Variants in PSMG3 observed in about 807,000 individuals in gnomAD.
PSMG3 encodes the protein proteasome assembly chaperone 3.
A neutral mutation model predicts 7.9 loss-of-function variants in PSMG3; 4 were observed. The ratio of observed to expected loss-of-function variants is 0.51; its 90% CI spans 0.25 to 1.16. The LOEUF is 1.16. Ranked by LOEUF, PSMG3 falls within the 50% of genes most tolerant of loss-of-function variation. The pLI is 0.15. For missense variants in PSMG3, 151 were observed against 157.4 expected (o/e 0.96, Z 0.22); for synonymous variants, 81 against 69.8 (o/e 1.16, Z -0.80).
chr7:1,567,613 G>GT lies in PSMG3; in HGVS notation c.*84_*85insA. On this transcript the variant is annotated 3_prime_UTR_variant, in exon 2 of 2. Coordinates refer to ENST00000288607, the MANE Select transcript of PSMG3 (RefSeq NM_032302.4). ...AGTGCCAAAGTTCCTCCCTCCACCG[G>GT]GGAGGGAGGTGAGACTTGAGTCCCT... The GT allele has an allele frequency of 7.4e-7, 1 of 1,359,942 alleles. No individual in the cohort carries two copies. Among genetic ancestry groups the GT allele is most frequent in the Non-Finnish European group, 1.0e-6 (1 of 997,814 alleles). 84.2% of individuals were successfully genotyped at this position (1,359,942 alleles called of 1,614,324 possible).
rs1423450926 is a variant in PSMG3 at position 1,569,123 on chromosome 7, C to T, written c.216+1G>A. ...CACAGTTCCCGGCCAATCCACTTTACCTCATCCTGCCCCAGAAGGACTTTT... is the reference window on the plus strand; with the variant it reads ...CACAGTTCCCGGCCAATCCACTTTATCTCATCCTGCCCCAGAAGGACTTTT... On this transcript the variant is annotated splice_donor_variant, in intron 1 of 1. Transcript: ENST00000288607. LOFTEE classifies it high-confidence loss of function. 1.2e-6 allele frequency: 2 copies of T among 1,612,954 alleles called. No individual in the cohort carries two copies. The highest frequency in any genetic ancestry group is 1.7e-5 in the Admixed American group (1 of 60,016).
chr7:1,567,643 G>A lies in PSMG3; in HGVS notation c.*55C>T. 6.5e-7 allele frequency: 1 copy of A among 1,531,302 alleles called. No individual in the cohort carries two copies. The highest frequency in any genetic ancestry group is 2.0e-5 in the Admixed American group (1 of 49,242). The allele number at this position is 1,531,302 out of a possible 1,614,324, so 94.9% of individuals were successfully genotyped here. On this transcript the variant is annotated 3_prime_UTR_variant, in exon 2 of 2. Transcript: ENST00000288607. Reference sequence around the variant, plus strand: ...GGAGGTGAGACTTGAGTCCCTGAGTGGGTGTCTGGGTGTTCACGTGTCCTG... The same window carrying A: ...GGAGGTGAGACTTGAGTCCCTGAGTAGGTGTCTGGGTGTTCACGTGTCCTG...
In PSMG3 at chr7:1,567,397, G is replaced by A. The variant is rs550563429; in HGVS notation, c.*301C>T. On this transcript the variant is annotated 3_prime_UTR_variant, in exon 2 of 2. Coordinates refer to ENST00000288607, the MANE Select transcript of PSMG3 (RefSeq NM_032302.4). The stretch of plus-strand genomic sequence containing the variant: ...CTCCTACAATTGATCCTGCACACGG[G>A]GGGGCCATGAGCCACGCCTGCTGAC... The A allele has an allele frequency of 6.7e-5, 21 of 313,172 alleles. No individual in the cohort carries two copies. The highest frequency in any genetic ancestry group is 1.1e-4 in the African/African-American group (5 of 46,690). The allele number at this position is 313,172 out of a possible 1,614,324, so 19.4% of individuals were successfully genotyped here.
intron 1 of PSMG3, 106 bp downstream of exon 1, chr7:1,569,018 C>A: frequency 1.2e-6 from 1 of 860,522 alleles, no homozygotes; most frequent in Non-Finnish European, 1.9e-6. Flanking sequence ...TGTTGTGTTG[C>A]CCAGGCTGGT....
In PSMG3 at chr7:1,567,510, C is replaced by T. The variant is rs1050069898; in HGVS notation, c.*188G>A. On this transcript the variant is annotated 3_prime_UTR_variant, in exon 2 of 2. Transcript: ENST00000288607. The stretch of plus-strand genomic sequence containing the variant: ...CCTCCGGGACCTGTTCCACCCTCCC[C>T]GTCATGCACAGATGATCTTAGTAAC... The T allele has an allele frequency of 9.5e-6, 5 of 525,230 alleles. No individual in the cohort carries two copies. Among genetic ancestry groups the T allele is most frequent in the Non-Finnish European group, 1.6e-5 (5 of 304,432 alleles). The allele number at this position is 525,230 out of a possible 1,614,324, so 32.5% of individuals were successfully genotyped here.
Position 1,569,223 on chromosome 7 carries a change from A to G in PSMG3, c.117T>C (p.Phe39=), listed in dbSNP as rs1402904601. The stretch of plus-strand genomic sequence containing the variant: ...GGGAGACCAGGGTGCCCATCTTCCC[A>G]AACTGGGTCACCACCACCAGGATGT... The part of the protein sequence containing the change: ...SSHILVVVTQ[F]GKMGTLVSLE... Residue 39 remains phenylalanine, a synonymous_variant, in exon 1 of 2, where the codon TTT becomes TTC. Transcript: ENST00000288607. 1 of 1,613,720 alleles carries G rather than the reference A, an allele frequency of 6.2e-7. No individual in the cohort carries two copies. Among genetic ancestry groups the G allele is most frequent in the Admixed American group, 1.7e-5 (1 of 60,014 alleles).
In PSMG3 at chr7:1,567,681, G is replaced by A. The variant is rs1778800354; in HGVS notation, c.*17C>T. 1 of 1,611,606 alleles carries A rather than the reference G, an allele frequency of 6.2e-7. No individual in the cohort carries two copies. Among genetic ancestry groups the A allele is most frequent in the Non-Finnish European group, 8.5e-7 (1 of 1,178,780 alleles). On this transcript the variant is annotated 3_prime_UTR_variant, in exon 2 of 2. Transcript: ENST00000288607. ...TTCACGTGTCCTGCTGAGCAGCGCG[G>A]GGCGGCTGCCTCCAGGTCACCACAC...
chr7:1,569,048 G>T, intron 1 of PSMG3, 76 bp downstream of exon 1: 1 of 1,317,466 alleles, frequency 7.6e-7, no homozygotes, highest in Non-Finnish European at 1.1e-6. Flanking sequence ...CTGGCCTCAA[G>T]CGATCTGCCC....
rs780348394 is a variant in PSMG3, at chr7:1,567,711, C to T, written c.356G>A (p.Cys119Tyr). The change falls in exon 2 of 2, where the codon TGC becomes TAC. Residue 119 changes from cysteine (C) to tyrosine (Y), a missense_variant. Coordinates refer to ENST00000288607, the MANE Select transcript of PSMG3 (RefSeq NM_032302.4). Reference sequence around the variant, plus strand: ...GCTGCCTCCAGGTCACCACACCTGGCACACCCGGATCACCTCCCTCAGCGC... The same window carrying T: ...GCTGCCTCCAGGTCACCACACCTGGTACACCCGGATCACCTCCCTCAGCGC... ...LKALREVIRV[C>Y]QVW is the part of the protein sequence containing the mutation. The T allele has an allele frequency of 3.7e-6, 6 of 1,613,738 alleles. No homozygotes were observed. The African/African-American group carries it at 5.3e-5, about 14-fold the overall frequency.
chr7:1,568,795 G>A (rs1778820860), intron 1 of PSMG3, among the ~76,000 whole-genome samples: 2 of 152,078 alleles, frequency 1.3e-5, no homozygotes, highest in Middle Eastern at 3.2e-3. Context: ...TTACAGGCAT[G>A]TGCCACCACA....
intron 1 of PSMG3, among the ~76,000 whole-genome samples, chr7:1,568,609 G>A (rs959658771): frequency 6.6e-5 from 10 of 151,424 alleles, no homozygotes; most frequent in Non-Finnish European, 8.8e-5. Context: ...GGGAGCACAG[G>A]CACACACCAC....
chr7:1,568,453 TTTATTATTATTA>T (rs56016686), intron 1 of PSMG3, among the ~76,000 whole-genome samples: 20 of 147,964 alleles, frequency 1.4e-4, no homozygotes, highest in African/African-American at 4.1e-4. Flanking sequence ...TCCTGACCAC[TTTATTATTATTA>T]TTATTATTAT....
Position 1,569,307 on chromosome 7 carries a change from C to G in PSMG3, c.33G>C (p.Gln11His), listed in dbSNP as rs1778834252. 1 of 1,611,402 alleles carries G rather than the reference C, an allele frequency of 6.2e-7. No individual in the cohort carries two copies. Among genetic ancestry groups the G allele is most frequent in the Admixed American group, 1.7e-5 (1 of 59,942 alleles). The change falls in exon 1 of 2, where the codon CAG (glutamine) becomes CAC (histidine). Residue 11 changes from glutamine to histidine, a missense_variant. By Grantham distance (24) the Gln-to-His change is conservative. Transcript: ENST00000288607. ...GGACCCCGCACACCACCTCCGTCTT[C>G]TGCTTCGATATCACCAACGGCGTGT... Reference protein sequence around the residue: MEDTPLVISKQKTEVVCGVPT... With the variant: MEDTPLVISKHKTEVVCGVPT...
At position 1,569,510 on chromosome 7, in the gene PSMG3, G is replaced by C. The variant is rs1485469324; in HGVS notation, c.-171C>G. 1 of 562,192 alleles carries C rather than the reference G, an allele frequency of 1.8e-6. No individual in the cohort carries two copies. Among genetic ancestry groups the C allele is most frequent in the African/African-American group, 1.9e-5 (1 of 52,652 alleles). 34.8% of individuals were successfully genotyped at this position (562,192 alleles called of 1,614,324 possible). On this transcript the variant is annotated 5_prime_UTR_variant, in exon 1 of 2. Transcript: ENST00000288607. Reference sequence around the variant, plus strand: ...GGGCCAGGCGCGGTGGCTCATGCCTGTCATCCCGGCACTTTGGGAGGCCGA... The same window carrying C: ...GGGCCAGGCGCGGTGGCTCATGCCTCTCATCCCGGCACTTTGGGAGGCCGA...
intron 1 of PSMG3, 106 bp from the exon 2 acceptor site, chr7:1,567,956 A>C (rs1583238755): frequency 1.9e-6 from 2 of 1,038,578 alleles, no homozygotes; most frequent in Non-Finnish European, 2.8e-6. Context: ...TTCCCACACC[A>C]CCATTAACCG....
chr7:1,568,297 C>T (rs1778811738), intron 1 of PSMG3, among the ~76,000 whole-genome samples: 1 of 151,882 alleles, frequency 6.6e-6, no homozygotes, highest in South Asian at 2.1e-4. Flanking sequence ...GACAAAGCAT[C>T]CACTGAGGGC....
chr7:1,569,928 C>T lies in PSMG3; in HGVS notation c.-589G>A, dbSNP rs1319807570. ...CGGCCCTGCAGCCGCGGCCCGGGAC[C>T]CCCACGACACGCGGTGCCGAGGCCG... is the stretch of plus-strand genomic sequence containing the variant. On this transcript the variant is annotated 5_prime_UTR_variant, in exon 1 of 2. Transcript: ENST00000288607. The T allele has an allele frequency of 1.3e-5, 2 of 151,852 alleles. No homozygotes were observed. The highest frequency in any genetic ancestry group is 2.1e-4 in the South Asian group (1 of 4,830). 9.4% of individuals were successfully genotyped at this position (151,852 alleles called of 1,614,324 possible).
chr7:1,569,273 C>T lies in PSMG3; in HGVS notation c.67G>A (p.Val23Met), dbSNP rs752506053. Reference sequence around the variant, plus strand: ...TGACTGCTGAAGGCCGTACACACCACCTGGGTGGGGACCCCGCACACCACC... The same window carrying T: ...TGACTGCTGAAGGCCGTACACACCATCTGGGTGGGGACCCCGCACACCACC... ...TEVVCGVPTQ[V>M]VCTAFSSHIL... is the part of the protein sequence containing the mutation. Residue 23 changes from valine (V) to methionine (M), a missense_variant, in exon 1 of 2, where the codon GTG becomes ATG. Transcript: ENST00000288607. The T allele has an allele frequency of 3.8e-5, 61 of 1,613,458 alleles. No individual in the cohort carries two copies. The highest frequency in any genetic ancestry group is 5.1e-5 in the Non-Finnish European group (60 of 1,180,016).
Position 1,569,516 on chromosome 7 carries a change from C to T in PSMG3, c.-177G>A, listed in dbSNP as rs544965074. Reference sequence around the variant, plus strand: ...GGCGCGGTGGCTCATGCCTGTCATCCCGGCACTTTGGGAGGCCGAGACAGG... The same window carrying T: ...GGCGCGGTGGCTCATGCCTGTCATCTCGGCACTTTGGGAGGCCGAGACAGG... On this transcript the variant is annotated 5_prime_UTR_variant, in exon 1 of 2. Transcript: ENST00000288607. 42 of 569,736 alleles carry T rather than the reference C, an allele frequency of 7.4e-5. No individual in the cohort carries two copies. Among genetic ancestry groups the T allele is most frequent in the African/African-American group, 6.4e-4 (34 of 53,144 alleles). 35.3% of individuals were successfully genotyped at this position (569,736 alleles called of 1,614,324 possible). A position where few individuals can be genotyped will look rare whatever the true frequency, so the allele number is the denominator to read the frequency against.
Sources: allele counts gnomAD v4.1 joint callset (sites outside exome capture counted in the v4.1 genomes callset), GRCh38; gene constraint gnomAD v4.1.1; transcripts MANE v1.5; gene names NCBI Gene and HGNC (gene_info 2026-07-23, HGNC 2026-07-21).